SLC12A2: variants seen among roughly 807,000 people sequenced by gnomAD.
SLC12A2 encodes the protein Na-K-2Cl cotransporter 1.
In SLC12A2, 67 loss-of-function variants were observed where a neutral mutation model predicts 136.3. The ratio of observed to expected loss-of-function variants is 0.49; its 90% confidence interval spans 0.40 to 0.60. SLC12A2 has a LOEUF of 0.60. SLC12A2 is among the 20% of genes least tolerant of loss of function. SLC12A2 has a pLI of 0.00. For missense variants in SLC12A2, 1,322 were observed against 1,534.7 expected (o/e 0.86, Z 2.32); for synonymous variants, 619 against 562.9 (o/e 1.10, Z -1.41).
At chr5:128,172,057 T>C (rs1763392661) in intron 19 of SLC12A2, among the ~76,000 whole-genome samples, 1 of 152,166 alleles carries the variant, frequency 6.6e-6, no homozygotes, top group Non-Finnish European at 1.5e-5. Flanking sequence ...TAAAATAGCC[T>C]GAGGAAAAAT....
At chr5:128,102,812 A>G (rs1450859950) in intron 1 of SLC12A2, among the ~76,000 whole-genome samples, 2 of 149,668 alleles carry the variant, frequency 1.3e-5, no homozygotes, top group East Asian at 2.0e-4. Flanking sequence ...ATTGAAATGG[A>G]GTTTCACCTT....
At chr5:128,127,017 TAAACTTCACCGGGTCAGAG>T (rs1761836440) in intron 4 of SLC12A2, among the ~76,000 whole-genome samples, 1 of 136,756 alleles carries the variant, frequency 7.3e-6, no homozygotes, top group African/African-American at 2.8e-5. Flanking sequence ...ATTTGTAGGA[TAAACTTCACCGGGTCAGAG>T]ATATTATCGT....
rs569624359 is a variant in SLC12A2, at chr5:128,187,564, T to G, written c.*933T>G. On this transcript the variant is annotated 3_prime_UTR_variant, in exon 27 of 27. Coordinates refer to ENST00000262461, the MANE Select transcript of SLC12A2 (RefSeq NM_001046.3). ...AAACAATGTCATTTAGTAGAATATT[T>G]CAGTATTTAAGTGGAATTTCAGTAT... The G allele has an allele frequency of 6.6e-6, 1 of 152,414 alleles. No individual in the cohort carries two copies. The highest frequency in any genetic ancestry group is 2.1e-4 in the South Asian group (1 of 4,832). The allele number at this position is 152,414 out of a possible 1,614,324, so 9.4% of individuals were successfully genotyped here. A position where few individuals can be genotyped will look rare whatever the true frequency, so the allele number is the denominator to read the frequency against.
chr5:128,136,864 A>T (rs1447305377), intron 7 of SLC12A2, among the ~76,000 whole-genome samples: 1 of 152,100 alleles, frequency 6.6e-6, no homozygotes, highest in Non-Finnish European at 1.5e-5. Flanking sequence ...CTCTCCTTTA[A>T]AGTCCAAACA....
At chr5:128,169,228 C>T (rs187156695) in intron 18 of SLC12A2, 1 of 126,908 alleles carries the variant, frequency 7.9e-6, no homozygotes, top group Admixed American at 7.7e-5. Context: ...TATAATTGTC[C>T]TTTAAAAAAA....
At chr5:128,183,628 T>C (rs981329000) in intron 24 of SLC12A2, among the ~76,000 whole-genome samples, 1 of 152,076 alleles carries the variant, frequency 6.6e-6, no homozygotes, top group African/African-American at 2.4e-5. Context: ...CTGTTAAATA[T>C]CTTTGGATGT....
At chr5:128,170,792 T>A (rs555322138) in intron 18 of SLC12A2, 13 of 152,228 alleles carry the variant, frequency 8.5e-5, no homozygotes, top group African/African-American at 3.1e-4. Flanking sequence ...TTTCTGTGTG[T>A]ATAGGATGCT....
intron 4 of SLC12A2, among the ~76,000 whole-genome samples, chr5:128,116,287 T>A (rs2126675060): frequency 6.6e-6 from 1 of 152,194 alleles, no homozygotes; most frequent in Non-Finnish European, 1.5e-5. Flanking sequence ...TGAATCAGAT[T>A]TTTGGAAGGT....
intron 9 of SLC12A2, among the ~76,000 whole-genome samples, chr5:128,140,021 C>CGGA (rs199592492): frequency 0.019 from 2,876 of 152,058 alleles, 79 homozygotes; most frequent in African/African-American, 0.062. Context: ...TTTTTTGAGA[C>CGGA]GGAGTCTCAC....
In SLC12A2 at chr5:128,152,726, A is replaced by C. The variant is rs1300942651; in HGVS notation, c.2284A>C (p.Thr762Pro). The C allele has an allele frequency of 6.2e-7, 1 of 1,612,324 alleles. No homozygotes were observed. The highest frequency in any genetic ancestry group is 1.3e-5 in the African/African-American group (1 of 74,870). The stretch of plus-strand genomic sequence containing the variant: ...CACAGATGTGAATTGGGGATCCTCT[A>C]CACAAGCCCTGACTTACCTGAATGC... Reference protein sequence around the residue: ...KKPDVNWGSSTQALTYLNALQ... With the variant: ...KKPDVNWGSSPQALTYLNALQ... Residue 762 changes from threonine to proline, a missense_variant, in exon 15 of 27, where the codon ACA becomes CCA. Thr to Pro is a conservative substitution (Grantham distance 38). This residue lies in a region of SLC12A2 where 294 missense variants were observed against 436.6 expected (regional missense o/e 0.67). Coordinates refer to ENST00000262461, the MANE Select transcript of SLC12A2 (RefSeq NM_001046.3).
Position 128,084,479 on chromosome 5 carries a change from G to T in SLC12A2, c.525G>T (p.Gly175=), listed in dbSNP as rs1401739406. The T allele has an allele frequency of 6.2e-7, 1 of 1,610,362 alleles. No individual in the cohort carries two copies. The highest frequency in any genetic ancestry group is 2.2e-5 in the East Asian group (1 of 44,792). The change falls in exon 1 of 27, where the codon GGG becomes GGT. Residue 175 remains glycine, a synonymous_variant. Transcript: ENST00000262461. The surrounding 1 kb of genome is among the most constrained non-coding windows in gnomAD (Gnocchi z 5.6). ...CCAACGTGAGCTTCCAGAACGGCGGGGACACGGTGCTGAGCGAGGGCAGCA... is the reference window on the plus strand; with the variant it reads ...CCAACGTGAGCTTCCAGAACGGCGGTGACACGGTGCTGAGCGAGGGCAGCA... The part of the protein sequence containing the change: ...DGPNVSFQNG[G]DTVLSEGSSL...
chr5:128,184,563 A>G, intron 25 of SLC12A2, 62 bp downstream of exon 25: 1 of 1,429,248 alleles, frequency 7.0e-7, no homozygotes, highest in Non-Finnish European at 9.4e-7. Context: ...AAAACCAAGA[A>G]CTTTAATTTG....
intron 18 of SLC12A2, chr5:128,170,277 AT>A (rs1491460491): frequency 6.6e-6 from 1 of 152,112 alleles, no homozygotes; most frequent in Non-Finnish European, 1.5e-5. Flanking sequence ...GCTTATAGTT[AT>A]TTTTTCTCTA....
Position 128,130,463 on chromosome 5 carries a change from C to T in SLC12A2, c.1049-604C>T, listed in dbSNP as rs980310969. ...CCAGCAGGTGGAGGCTGCAGTGGGC[C>T]GAGATCACACCACTGCACTCCAGCC... On this transcript the variant is annotated intron_variant, in intron 4 of 26. Transcript: ENST00000262461. Among the ~76,000 whole-genome samples the T allele has an allele frequency of 6.8e-4, 97 of 142,450 alleles. 1 individual carries two copies. The highest frequency in any genetic ancestry group is 2.4e-3 in the African/African-American group (93 of 38,530). The allele number at this position is 142,450 out of a possible 152,430, so 93.5% of individuals were successfully genotyped here. A position where few individuals can be genotyped will look rare whatever the true frequency, so the allele number is the denominator to read the frequency against.
chr5:128,185,744 G>T (rs951618553), intron 26 of SLC12A2, among the ~76,000 whole-genome samples: 2 of 152,210 alleles, frequency 1.3e-5, no homozygotes, highest in Admixed American at 6.5e-5. Flanking sequence ...TCACCTAAAA[G>T]AATTCTATTC....
intron 4 of SLC12A2, among the ~76,000 whole-genome samples, chr5:128,120,166 C>T (rs1213260695): frequency 6.6e-6 from 1 of 152,132 alleles, no homozygotes; most frequent in Non-Finnish European, 1.5e-5. Context: ...GAGATACCAT[C>T]TCACACCAGT....
At chr5:128,109,782 A>G in intron 1 of SLC12A2, 4 of 831,500 alleles carry the variant, frequency 4.8e-6, no homozygotes, top group Non-Finnish European at 8.6e-6. Flanking sequence ...ATGGTAAGAT[A>G]CAGAATGTGT....
At chr5:128,161,017 A>T (rs1371383160) in intron 16 of SLC12A2, among the ~76,000 whole-genome samples, 1 of 152,172 alleles carries the variant, frequency 6.6e-6, no homozygotes, top group African/African-American at 2.4e-5. Context: ...TCCCCACTAC[A>T]AAAGGTAAAT....
At position 128,148,819 on chromosome 5, in the gene SLC12A2, T is replaced by A; in HGVS notation, c.1947T>A (p.Asn649Lys). 6.2e-7 allele frequency: 1 copy of A among 1,608,978 alleles called. No individual in the cohort carries two copies. Residue 649 changes from asparagine to lysine, a missense_variant, in exon 12 of 27, where the codon AAT (asparagine) becomes AAA (lysine). Coordinates refer to ENST00000262461, the MANE Select transcript of SLC12A2 (RefSeq NM_001046.3). ...QMFAKGYGKN[N>K]EPLRGYILTF... ...TTGCTAAAGGTTATGGGAAAAATAA[T>A]GAACCTCTTCGTGGCTACATCTTAA...
Sources: gnomAD v4.1 joint callset for allele counts (sites outside exome capture counted in the v4.1 genomes callset) on GRCh38, gnomAD v4.1.1 for gene constraint, gnomAD v4.1.1 regional missense constraint, Gnocchi (gnomAD v3.1) non-coding constraint, MANE v1.5 for transcripts, NCBI Gene and HGNC (gene_info 2026-07-23, HGNC 2026-07-21) for gene names.